The following TSPOAP1 variants were observed in gnomAD, a reference collection of about 807,000 sequenced individuals.
TSPOAP1 encodes peripheral-type benzodiazepine receptor-associated protein 1.
A neutral mutation model predicts 197.0 loss-of-function variants in TSPOAP1; 87 were observed. The observed-to-expected ratio is 0.44, with a 90% confidence interval of 0.37 to 0.53. TSPOAP1 has a LOEUF of 0.53. TSPOAP1 is among the 20% of genes least tolerant of loss of function. The pLI is 0.00. For synonymous variants in TSPOAP1, 913 were observed against 998.9 expected (o/e 0.91, Z 1.62); for missense variants, 2,174 against 2,411.3 (o/e 0.90, Z 2.06).
chr17:58,326,443 T>C lies in TSPOAP1; in HGVS notation c.442-22A>G. 1 of 1,612,476 alleles carries C rather than the reference T, an allele frequency of 6.2e-7. No homozygotes were observed. The highest frequency in any genetic ancestry group is 8.5e-7 in the Non-Finnish European group (1 of 1,179,698). On this transcript the variant is annotated intron_variant, in intron 2 of 31. Transcript: ENST00000343736. This position sits in a 1 kb window ranked among gnomAD's most constrained non-coding sequence, Gnocchi z 4.7. ...TCCTCTGACAAGGGGTCAGGCAGAA[T>C]TGGGGCATGTAGGGAGCACCCCACA...
chr17:58,315,700 C>T (rs193151483), intron 16 of TSPOAP1, among the ~76,000 whole-genome samples: 2 of 152,282 alleles, frequency 1.3e-5, no homozygotes, highest in Admixed American at 1.3e-4. Flanking sequence ...ACTGCCACGC[C>T]CTGACTATCC....
chr17:58,311,155 T>G lies in TSPOAP1; in HGVS notation c.3140A>C (p.Gln1047Pro). Reference protein sequence around the residue: ...GSVLVELSQLQLLQVCREVVV... With the variant: ...GSVLVELSQLPLLQVCREVVV... Reference sequence around the variant, plus strand: ...CACCTCACGACACACCTGCAGCAGCTGCAGCTGGGACAACTCCACCAGTAC... The same window carrying G: ...CACCTCACGACACACCTGCAGCAGCGGCAGCTGGGACAACTCCACCAGTAC... The change falls in exon 19 of 32, where the codon CAG becomes CCG. Residue 1047 changes from glutamine (Q) to proline (P), a missense_variant. Coordinates refer to ENST00000343736, the MANE Select transcript of TSPOAP1 (RefSeq NM_004758.4). 1 of 1,611,130 alleles carries G rather than the reference T, an allele frequency of 6.2e-7. No homozygotes were observed. The highest frequency in any genetic ancestry group is 8.5e-7 in the Non-Finnish European group (1 of 1,179,308).
chr17:58,323,468 C>T lies in TSPOAP1; in HGVS notation c.1020G>A (p.Leu340=), dbSNP rs749850505. 3 of 1,614,102 alleles carry T rather than the reference C, an allele frequency of 1.9e-6. No homozygotes were observed. Among genetic ancestry groups the T allele is most frequent in the East Asian group, 4.5e-5 (2 of 44,902 alleles). ...CTCCAGCCCTTGACCTAGGACTTAC[C>T]AGCTGCTGCACCCTCTGCTCTTTCT... The part of the protein sequence containing the change: ...EPEKEQRVQQ[L]ESELSKKRKK... The change falls in exon 6 of 32, where the codon CTG becomes CTA. Residue 340 remains leucine, a splice_region_variant and synonymous_variant. Transcript: ENST00000343736.
intron 16 of TSPOAP1, 52 bp downstream of exon 16, chr17:58,315,971 A>G (rs1971220094): frequency 7.3e-7 from 1 of 1,371,292 alleles, no homozygotes. Flanking sequence ...CTTTGGGAAC[A>G]TGGGCTCAAA....
At position 58,316,529 on chromosome 17, in the gene TSPOAP1, G is replaced by A; in HGVS notation, c.1884C>T (p.Ala628=). 1.2e-6 allele frequency: 2 copies of A among 1,609,550 alleles called. No individual in the cohort carries two copies. Among genetic ancestry groups the A allele is most frequent in the Non-Finnish European group, 1.7e-6 (2 of 1,177,244 alleles). ...CTGCCTCCAGCTCCTCTACCTCACT[G>A]GCTGTGTCCACCTGGGGGCAAACAG... is the stretch of plus-strand genomic sequence containing the variant. ...KSCPTPEVDT[A]SEVEELEADS... The change falls in exon 15 of 32, where the codon GCC becomes GCT. Residue 628 remains alanine, a synonymous_variant. Coordinates refer to ENST00000343736, the MANE Select transcript of TSPOAP1 (RefSeq NM_004758.4).
At chr17:58,306,519 C>G in intron 25 of TSPOAP1, 106 bp from the exon 26 acceptor site, 2 of 1,134,288 alleles carry the variant, frequency 1.8e-6, no homozygotes, top group African/African-American at 1.6e-5. Context: ...GAGCTTGTTT[C>G]GTAAGGGCAT....
chr17:58,326,398 T>G lies in TSPOAP1; in HGVS notation c.465A>C (p.Thr155=). 6.2e-7 allele frequency: 1 copy of G among 1,613,904 alleles called. No individual in the cohort carries two copies. Residue 155 remains threonine, a synonymous_variant, in exon 3 of 32, where the codon ACA becomes ACC. Coordinates refer to ENST00000343736, the MANE Select transcript of TSPOAP1 (RefSeq NM_004758.4). The surrounding 1 kb of genome is among the most constrained non-coding windows in gnomAD (Gnocchi z 4.7). The part of the protein sequence containing the change: ...QMLRKSSFPE[T]EEKVRRLKRK... ...TCTTCAGCCTCCGCACCTTCTCTTC[T>G]GTCTCAGGGAAGCTGCTCTTCCTCT...
In TSPOAP1 at chr17:58,322,548, A is replaced by G; in HGVS notation, c.1317+106T>C. ...AGGAAACTGAGCCTGGAGCAGCTCC[A>G]GGCCCAGGCCTCAGAGCTAGTGCCC... On this transcript the variant is annotated intron_variant, in intron 9 of 31. Transcript: ENST00000343736. This position sits in a 1 kb window ranked among gnomAD's most constrained non-coding sequence, Gnocchi z 5.0. The G allele has an allele frequency of 1.3e-6, 2 of 1,559,498 alleles. No homozygotes were observed. The highest frequency in any genetic ancestry group is 1.7e-6 in the Non-Finnish European group (2 of 1,154,184).
At position 58,316,462 on chromosome 17, in the gene TSPOAP1, C is replaced by T. The variant is rs1395342142; in HGVS notation, c.1951G>A (p.Gly651Arg). The change falls in exon 15 of 32, where the codon GGA (glycine) becomes AGA (arginine). Residue 651 changes from glycine to arginine, a missense_variant. Around this residue, in one of 5 missense-constraint regions of TSPOAP1, gnomAD observed 1,933 missense variants for 2,139.0 expected, o/e 0.90. Transcript: ENST00000343736. Reference protein sequence around the residue: ...LLPAAPEGSRGGARIQVFLAR... With the variant: ...LLPAAPEGSRRGARIQVFLAR... ...AGGAAGACCTGGATCCTGGCTCCTC[C>T]CCGGCTGCCCTCTGGCGCAGCTGGG... The T allele has an allele frequency of 6.2e-7, 1 of 1,613,848 alleles. No individual in the cohort carries two copies. Among genetic ancestry groups the T allele is most frequent in the Admixed American group, 1.7e-5 (1 of 59,998 alleles).
chr17:58,316,988 G>A (rs1465097835), intron 14 of TSPOAP1, among the ~76,000 whole-genome samples: 1 of 152,202 alleles, frequency 6.6e-6, no homozygotes, highest in Non-Finnish European at 1.5e-5. Context: ...CTTGAGCCAG[G>A]AGTTTGAGAC....
chr17:58,325,424 T>C, intron 4 of TSPOAP1, 110 bp downstream of exon 4: 1 of 1,432,270 alleles, frequency 7.0e-7, no homozygotes, highest in East Asian at 2.4e-5. Context: ...CCCAGCAACC[T>C]CCACCCTCCC....
Position 58,308,658 on chromosome 17 carries a change from C to T in TSPOAP1, c.4614G>A (p.Gly1538=), listed in dbSNP as rs764656270. ...TGGGGCCTGAATTGGCCTTCGGAGGCCCCCTGGGCCTTCCTACAGTTGCTG... is the reference window on the plus strand; with the variant it reads ...TGGGGCCTGAATTGGCCTTCGGAGGTCCCCTGGGCCTTCCTACAGTTGCTG... ...WGTATVGRPR[G]PPKANSGPKP... Residue 1538 remains glycine, a synonymous_variant, in exon 22 of 32, where the codon GGG becomes GGA. Coordinates refer to ENST00000343736, the MANE Select transcript of TSPOAP1 (RefSeq NM_004758.4). 5 of 1,610,954 alleles carry T rather than the reference C, an allele frequency of 3.1e-6. No individual in the cohort carries two copies. The highest frequency in any genetic ancestry group is 2.2e-5 in the South Asian group (2 of 90,984).
Position 58,323,397 on chromosome 17 carries a change from C to G in TSPOAP1, c.1021-16G>C, listed in dbSNP as rs1286936816. On this transcript the variant is annotated splice_polypyrimidine_tract_variant and intron_variant, in intron 6 of 31. Transcript: ENST00000343736. ...GCTCCGATTCCTGAGGGGTCAGAAC[C>G]AAGTGCTCCTCATGAGGGAAGGTAC... The G allele has an allele frequency of 6.2e-7, 1 of 1,614,124 alleles. No individual in the cohort carries two copies. Among genetic ancestry groups the G allele is most frequent in the African/African-American group, 1.3e-5 (1 of 74,942 alleles).
At chr17:58,314,206 CA>C (rs894764827) in intron 16 of TSPOAP1, among the ~76,000 whole-genome samples, 1 of 148,328 alleles carries the variant, frequency 6.7e-6, no homozygotes, top group Non-Finnish European at 1.5e-5. Context: ...CTATGCTAGG[CA>C]AAAAAAAAGT....
chr17:58,320,511 G>C lies in TSPOAP1; in HGVS notation c.1473+20C>G. On this transcript the variant is annotated intron_variant, in intron 11 of 31. Coordinates refer to ENST00000343736, the MANE Select transcript of TSPOAP1 (RefSeq NM_004758.4). ...TCCTCCCAAGATGGTGGAACTGGGG[G>C]CCACTTCCAGGCGCCCTACCTCCAG... 1 of 1,510,986 alleles carries C rather than the reference G, an allele frequency of 6.6e-7. No homozygotes were observed. Among genetic ancestry groups the C allele is most frequent in the Non-Finnish European group, 8.9e-7 (1 of 1,129,092 alleles). The allele number at this position is 1,510,986 out of a possible 1,614,324, so 93.6% of individuals were successfully genotyped here.
At position 58,312,251 on chromosome 17, in the gene TSPOAP1, A is replaced by G. The variant is rs536734735; in HGVS notation, c.2570T>C (p.Ile857Thr). 1 of 1,612,622 alleles carries G rather than the reference A, an allele frequency of 6.2e-7. No homozygotes were observed. Among genetic ancestry groups the G allele is most frequent in the African/African-American group, 1.3e-5 (1 of 75,040 alleles). Residue 857 changes from isoleucine (I) to threonine (T), a missense_variant, in exon 17 of 32, where the codon ATT (isoleucine) becomes ACT (threonine). Coordinates refer to ENST00000343736, the MANE Select transcript of TSPOAP1 (RefSeq NM_004758.4). ...CCGGCTAGTCAGGGCCTGGACAGAA[A>G]TGTGAAGGGGCCCGGCCCACAGGTC... ...NLDLWAGPLH[I>T]SVQALTSRGS...
intron 5 of TSPOAP1, among the ~76,000 whole-genome samples, chr17:58,323,876 A>C (rs899839703): frequency 6.6e-6 from 1 of 152,102 alleles, no homozygotes; most frequent in African/African-American, 2.4e-5. Flanking sequence ...GCACTCAATA[A>C]CTGTCCTGGG....
chr17:58,308,413 C>G, intron 22 of TSPOAP1, 128 bp downstream of exon 22: 1 of 1,382,888 alleles, frequency 7.2e-7, no homozygotes, highest in South Asian at 1.5e-5. Flanking sequence ...GTGAGGGAGC[C>G]CGGAGGCCCG....
rs1320438647 is a variant in TSPOAP1, at chr17:58,304,967, C to T, written c.5544+94G>A. ...ACAGTGCTTACCTGCATGACCACCC[C>T]AGCTGCACCCCTGCCGCAACACTGC... On this transcript the variant is annotated intron_variant, in intron 30 of 31. Coordinates refer to ENST00000343736, the MANE Select transcript of TSPOAP1 (RefSeq NM_004758.4). This position sits in a 1 kb window ranked among gnomAD's most constrained non-coding sequence, Gnocchi z 4.2. 1.1e-6 allele frequency: 1 copy of T among 945,992 alleles called. No homozygotes were observed. The highest frequency in any genetic ancestry group is 1.7e-6 in the Non-Finnish European group (1 of 574,834). 58.6% of individuals were successfully genotyped at this position (945,992 alleles called of 1,614,324 possible). A position where few individuals can be genotyped will look rare whatever the true frequency, so the allele number is the denominator to read the frequency against.
Sources: allele counts gnomAD v4.1 joint callset (sites outside exome capture counted in the v4.1 genomes callset), GRCh38; gene constraint gnomAD v4.1.1; regional missense constraint gnomAD v4.1.1; non-coding constraint Gnocchi (gnomAD v3.1); transcripts MANE v1.5; gene names NCBI Gene and HGNC (gene_info 2026-07-23, HGNC 2026-07-21).